The following KDM2B variants were observed in gnomAD, a reference collection of about 807,000 sequenced individuals.
The protein encoded by KDM2B is lysine demethylase 2B.
KDM2B carries 26 observed loss-of-function variants against 150.0 expected under a neutral mutation model. The ratio of observed to expected loss-of-function variants is 0.17; its 90% CI spans 0.13 to 0.24. KDM2B has a LOEUF of 0.24. KDM2B is among the 10% of genes least tolerant of loss of function. The pLI is 1.00. For synonymous variants in KDM2B, 734 were observed against 729.5 expected, an observed-to-expected ratio of 1.01 and a Z score of -0.10; for missense variants, 1,265 against 1,816.9, an observed-to-expected ratio of 0.70 and a Z score of 5.52.
intron 8 of KDM2B, among the ~76,000 whole-genome samples, chr12:121,532,118 C>CA (rs1254253945): frequency 9.6e-4 from 137 of 143,180 alleles, no homozygotes; most frequent in Non-Finnish European, 8.3e-4. Flanking sequence ...AAGACTGTCT[C>CA]AAAAAAAAAA....
chr12:121,411,189 A>C, the KDM2B span, among the ~76,000 whole-genome samples: 3 of 152,208 alleles, frequency 2.0e-5, no homozygotes, highest in South Asian at 4.2e-4. Context: ...TGGCCACCTA[A>C]AGTGCTGGGA....
At position 121,467,232 on chromosome 12, in the gene KDM2B, T is replaced by TCG; in HGVS notation, c.1735-13890_1735-13889dup. On this transcript the variant is annotated intron_variant, in intron 12 of 22. Coordinates refer to ENST00000377071, the MANE Select transcript of KDM2B (RefSeq NM_032590.5). The surrounding 1 kb of genome is among the most constrained non-coding windows in gnomAD (Gnocchi z 5.1). The stretch of plus-strand genomic sequence containing the variant: ...GCCATGGCTCATGGTGGGCCCAGGC[T>TCG]CGCGCGCGCTGACATGGCTGGAGCG... 1 of 1,018,764 alleles carries TCG rather than the reference T, an allele frequency of 9.8e-7. No homozygotes were observed. The highest frequency in any genetic ancestry group is 1.2e-6 in the Non-Finnish European group (1 of 848,420). 63.1% of individuals were successfully genotyped at this position (1,018,764 alleles called of 1,614,324 possible).
intron 4 of KDM2B, among the ~76,000 whole-genome samples, chr12:121,558,434 C>G (rs1424021927): frequency 6.6e-6 from 1 of 150,896 alleles, no homozygotes; most frequent in African/African-American, 2.4e-5. Flanking sequence ...GTGGAGAAGG[C>G]CTGTGTTTCC....
At chr12:121,553,854 A>G (rs1889695967) in intron 4 of KDM2B, among the ~76,000 whole-genome samples, 1 of 152,060 alleles carries the variant, frequency 6.6e-6, no homozygotes, top group Non-Finnish European at 1.5e-5. Flanking sequence ...AAGTTCTAAA[A>G]TGGACTTTCA....
the KDM2B span, among the ~76,000 whole-genome samples, chr12:121,413,183 G>A: frequency 3.3e-5 from 5 of 151,508 alleles, no homozygotes; most frequent in Non-Finnish European, 7.4e-5. Flanking sequence ...CTGCCAATAC[G>A]CCCAGCTAAT....
intron 14 of KDM2B, chr12:121,444,986 G>T: frequency 2.3e-6 from 1 of 443,890 alleles, no homozygotes. Flanking sequence ...CTCTGGCCCA[G>T]CTACAAACAA....
chr12:121,574,662 G>C, intron 3 of KDM2B, 69 bp from the exon 4 acceptor site: 1 of 1,399,894 alleles, frequency 7.1e-7, no homozygotes, highest in South Asian at 1.2e-5. Context: ...CCCTGGGCCC[G>C]GGGGGAAGCC....
chr12:121,509,408 T>A (rs1885383579), intron 11 of KDM2B, among the ~76,000 whole-genome samples, 159 bp downstream of exon 11: 2 of 151,794 alleles, frequency 1.3e-5, no homozygotes, highest in Non-Finnish European at 2.9e-5. Context: ...CTACATAGGC[T>A]TTTGTGGACT....
intron 1 of KDM2B, chr12:121,580,418 C>G (rs1555317781): frequency 8.6e-7 from 1 of 1,159,606 alleles, no homozygotes; most frequent in African/African-American, 1.6e-5. Context: ...CCGGGAGGCA[C>G]CGGGCGCCGT....
At chr12:121,580,431 G>C in intron 1 of KDM2B, 2 of 1,162,008 alleles carry the variant, frequency 1.7e-6, no homozygotes, top group Non-Finnish European at 2.1e-6. Flanking sequence ...GGCGCCGTTA[G>C]CGCCGTGGCA....
At chr12:121,548,794 C>G in intron 6 of KDM2B, 83 bp downstream of exon 6, 1 of 1,008,612 alleles carries the variant, frequency 9.9e-7, no homozygotes, top group Non-Finnish European at 1.6e-6. Context: ...CACTGATGGC[C>G]AGGAGCCTCC....
At chr12:121,464,720 C>T (rs1465159575) in intron 12 of KDM2B, among the ~76,000 whole-genome samples, 5 of 152,242 alleles carry the variant, frequency 3.3e-5, no homozygotes, top group African/African-American at 9.6e-5. Context: ...TTCATCCACA[C>T]TCCAGGACTT....
At chr12:121,552,820 G>A (rs782285692) in intron 4 of KDM2B, among the ~76,000 whole-genome samples, 8 of 152,122 alleles carry the variant, frequency 5.3e-5, no homozygotes, top group Admixed American at 6.6e-5. Flanking sequence ...CCCGTTCTTC[G>A]CTGGATATTC....
chr12:121,579,077 C>CT, intron 1 of KDM2B, 131 bp from the exon 2 acceptor site: 1 of 1,027,072 alleles, frequency 9.7e-7, no homozygotes, highest in Non-Finnish European at 1.4e-6. Flanking sequence ...ACCCAAGCAA[C>CT]TTTGCGCAAT....
intron 12 of KDM2B, among the ~76,000 whole-genome samples, chr12:121,473,733 A>AAAAAG (rs781796348): frequency 1.5e-4 from 22 of 150,042 alleles, no homozygotes; most frequent in African/African-American, 2.7e-4. Flanking sequence ...AAAAAAAAAA[A>AAAAAG]AGAGAGAGAG....
chr12:121,425,306 C>CA (rs562993599), downstream of KDM2B, among the ~76,000 whole-genome samples: 7,667 of 78,754 alleles, frequency 0.097, 277 homozygotes, highest in Middle Eastern at 0.19. Flanking sequence ...AACTCCGTCT[C>CA]AAAAAAAAAA....
At chr12:121,443,460 G>C in intron 17 of KDM2B, 1 of 595,580 alleles carries the variant, frequency 1.7e-6, no homozygotes, top group Non-Finnish European at 3.0e-6. Flanking sequence ...CTCCTCAGAG[G>C]TTCCCTGGAC....
chr12:121,534,368 A>C, intron 7 of KDM2B, 129 bp downstream of exon 7: 1 of 657,482 alleles, frequency 1.5e-6, no homozygotes, highest in Admixed American at 2.6e-5. Flanking sequence ...AAAAAAGAGT[A>C]ATCCTTAAAG....
Position 121,442,835 on chromosome 12 carries a change from C to G in KDM2B, c.2606G>C (p.Arg869Pro), listed in dbSNP as rs988267123. 2 of 1,517,946 alleles carry G rather than the reference C, an allele frequency of 1.3e-6. No homozygotes were observed. Among genetic ancestry groups the G allele is most frequent in the South Asian group, 2.7e-5 (2 of 75,004 alleles). 94.0% of individuals were successfully genotyped at this position (1,517,946 alleles called of 1,614,324 possible). ...GKEDKLFRKK[R>P]RSWKNAEDRM... ...GTCCTCGGCGTTCTTCCAGGACCGCCGCTGAGGGCGAGAGCGGAGACGCGT... is the reference window on the plus strand; with the variant it reads ...GTCCTCGGCGTTCTTCCAGGACCGCGGCTGAGGGCGAGAGCGGAGACGCGT... The change falls in exon 19 of 23, where the codon CGG becomes CCG. Residue 869 changes from arginine (R) to proline (P), a missense_variant and splice_region_variant. Physicochemically the swap from Arg to Pro is moderately radical, Grantham distance 103 (BLOSUM62 -2). Transcript: ENST00000377071. This position sits in a 1 kb window ranked among gnomAD's most constrained non-coding sequence, Gnocchi z 7.7.
Sources: gnomAD v4.1 joint callset for allele counts (sites outside exome capture counted in the v4.1 genomes callset) on GRCh38, gnomAD v4.1.1 for gene constraint, Gnocchi (gnomAD v3.1) non-coding constraint, MANE v1.5 for transcripts, NCBI Gene and HGNC (gene_info 2026-07-23, HGNC 2026-07-21) for gene names.